The following FBXL13 variants were observed in gnomAD, a reference collection of about 807,000 sequenced individuals.
The protein encoded by FBXL13 is F-box and leucine rich repeat protein 13.
Under a neutral mutation model 83.6 loss-of-function variants are expected in FBXL13, and 67 were observed. That is an observed-to-expected ratio of 0.80 (90% confidence interval 0.66 to 0.98). The LOEUF (loss-of-function observed/expected upper bound fraction) is 0.98, where lower values mean the gene tolerates loss of function less well. Among genes scored for constraint, FBXL13 ranks in the 50% least tolerant of loss-of-function variants. FBXL13 has a pLI of 0.00. For missense variants in FBXL13, 822 were observed against 866.5 expected, an observed-to-expected ratio of 0.95 and a Z score of 0.64; for synonymous variants, 272 against 299.5, an observed-to-expected ratio of 0.91 and a Z score of 0.95.
intron 16 of FBXL13, among the ~76,000 whole-genome samples, chr7:102,871,293 A>G (rs564990940): frequency 2.0e-5 from 3 of 152,094 alleles, no homozygotes; most frequent in African/African-American, 7.2e-5. Context: ...AACGAAAACC[A>G]TCTTTCTCTC....
chr7:103,042,372 C>G (rs1795812731), intron 2 of FBXL13, among the ~76,000 whole-genome samples: 1 of 152,122 alleles, frequency 6.6e-6, no homozygotes, highest in Non-Finnish European at 1.5e-5. Flanking sequence ...TAGGAAGAAT[C>G]AGTATCATGA....
intron 8 of FBXL13, chr7:102,934,642 CA>C: frequency 1.0e-5 from 16 of 1,606,110 alleles, no homozygotes; most frequent in Non-Finnish European, 1.4e-5. Context: ...CTTTTTGCCA[CA>C]ATTATGTGTT....
intron 6 of FBXL13, among the ~76,000 whole-genome samples, chr7:102,986,768 T>A (rs1829002000): frequency 9.3e-6 from 1 of 107,540 alleles, no homozygotes; most frequent in Admixed American, 1.0e-4. Flanking sequence ...ATCCAAGTAC[T>A]AGGGAGTATT....
chr7:102,837,846 T>C (rs945133537), intron 17 of FBXL13, among the ~76,000 whole-genome samples: 1 of 152,250 alleles, frequency 6.6e-6, no homozygotes, highest in African/African-American at 2.4e-5. Flanking sequence ...CCCAGGCAAC[T>C]TTCTCACTTT....
intron 7 of FBXL13, among the ~76,000 whole-genome samples, chr7:102,964,392 A>ATATATATATGTGTGTG (rs1316956467): frequency 7.5e-6 from 1 of 133,598 alleles, no homozygotes; most frequent in African/African-American, 3.4e-5. Context: ...TTTTGTGACT[A>ATATATATATGTGTGTG]TATATATATA....
intron 2 of FBXL13, among the ~76,000 whole-genome samples, chr7:103,052,542 T>C (rs529101842): frequency 6.6e-6 from 1 of 152,276 alleles, no homozygotes; most frequent in African/African-American, 2.4e-5. Flanking sequence ...CCTAGGACAC[T>C]TGGAGATTCA....
At chr7:102,958,980 A>G (rs1240661755) in intron 8 of FBXL13, among the ~76,000 whole-genome samples, 1 of 152,156 alleles carries the variant, frequency 6.6e-6, no homozygotes, top group Non-Finnish European at 1.5e-5. Context: ...AGACTCCTGC[A>G]TATCCCTGCT....
At chr7:102,866,402 G>T (rs1807658041) in intron 16 of FBXL13, among the ~76,000 whole-genome samples, 1 of 152,180 alleles carries the variant, frequency 6.6e-6, no homozygotes, top group South Asian at 2.1e-4. Context: ...AAGGCCACTG[G>T]CTGGAGAGAA....
exon 20 of FBXL13, chr7:102,813,247 T>C (rs962805922): frequency 2.7e-6 from 3 of 1,129,182 alleles, no homozygotes; most frequent in Non-Finnish European, 2.5e-6. Context: ...CTTGTTTACA[T>C]TGTTATTGAG....
chr7:102,938,515 A>G (rs1210034806), intron 8 of FBXL13, among the ~76,000 whole-genome samples: 2 of 152,152 alleles, frequency 1.3e-5, no homozygotes, highest in East Asian at 3.8e-4. Flanking sequence ...TTGGCTGGAG[A>G]AGGAGCAAGC....
At chr7:102,862,481 AAT>A (rs1457316119) in intron 16 of FBXL13, among the ~76,000 whole-genome samples, 1 of 152,210 alleles carries the variant, frequency 6.6e-6, no homozygotes, top group Non-Finnish European at 1.5e-5. Context: ...TCTGTTATTG[AAT>A]ATTTTTGTGT....
chr7:103,023,762 G>T (rs1041472338), intron 6 of FBXL13, among the ~76,000 whole-genome samples: 1 of 152,010 alleles, frequency 6.6e-6, no homozygotes, highest in Non-Finnish European at 1.5e-5. Context: ...TTAAAATGTG[G>T]TATATATATA....
At chr7:103,061,754 C>T (rs1278161142) in intron 1 of FBXL13, among the ~76,000 whole-genome samples, 8 of 151,932 alleles carry the variant, frequency 5.3e-5, no homozygotes, top group Non-Finnish European at 8.8e-5. Context: ...CTGGCTAACA[C>T]GGTGAAACCC....
At chr7:103,028,790 T>A in intron 3 of FBXL13, 42 bp from the exon 5 acceptor site, 2 of 1,469,754 alleles carry the variant, frequency 1.4e-6, no homozygotes, top group Non-Finnish European at 1.8e-6. Context: ...TATTTTGATA[T>A]TAGGGCAATA....
At chr7:102,962,741 C>G (rs1156824155) in intron 8 of FBXL13, among the ~76,000 whole-genome samples, 1 of 149,470 alleles carries the variant, frequency 6.7e-6, no homozygotes, top group East Asian at 2.0e-4. Flanking sequence ...AACAAAAAAC[C>G]AAACACCACA....
intron 8 of FBXL13, among the ~76,000 whole-genome samples, chr7:102,958,204 G>A (rs968329236): frequency 6.6e-6 from 1 of 152,122 alleles, no homozygotes; most frequent in Non-Finnish European, 1.5e-5. Context: ...ATACTATGCA[G>A]CCATAAAAAG....
intron 10 of FBXL13, among the ~76,000 whole-genome samples, chr7:102,921,044 C>T (rs527399894): frequency 5.3e-5 from 8 of 151,988 alleles, no homozygotes; most frequent in South Asian, 2.1e-4. Context: ...CCCAGCTACT[C>T]GGGAGGCTGA....
At chr7:102,898,923 T>C (rs192751278) in intron 11 of FBXL13, among the ~76,000 whole-genome samples, 1 of 152,126 alleles carries the variant, frequency 6.6e-6, no homozygotes, top group African/African-American at 2.4e-5. Flanking sequence ...TAATTAATTA[T>C]TTATTTATTT....
chr7:103,011,082 C>T (rs1396687884), intron 6 of FBXL13, among the ~76,000 whole-genome samples: 2 of 152,128 alleles, frequency 1.3e-5, no homozygotes, highest in African/African-American at 4.8e-5. Flanking sequence ...AGACATCGGC[C>T]CACACAAATG....
Sources: allele counts gnomAD v4.1 joint callset (sites outside exome capture counted in the v4.1 genomes callset), GRCh38; gene constraint gnomAD v4.1.1; transcripts MANE v1.5; gene names NCBI Gene and HGNC (gene_info 2026-07-23, HGNC 2026-07-21).